The following MCM9 variants were observed in gnomAD, a reference collection of about 807,000 sequenced individuals.
The protein encoded by MCM9 is DNA helicase MCM9.
In MCM9, 55 loss-of-function variants were observed where a neutral mutation model predicts 72.8. That is an observed-to-expected ratio of 0.76 (90% CI 0.61 to 0.95). MCM9 has a LOEUF of 0.95. Among genes scored for constraint, MCM9 ranks in the 40% least tolerant of loss-of-function variants. MCM9 has a pLI of 0.00. For synonymous variants in MCM9, 480 were observed against 503.4 expected, an observed-to-expected ratio of 0.95 and a Z score of 0.62; for missense variants, 1,279 against 1,377.0, an observed-to-expected ratio of 0.93 and a Z score of 1.13.
At chr6:118,918,072 A>T in intron 5 of MCM9, 1 of 335,032 alleles carries the variant, frequency 3.0e-6, no homozygotes, top group South Asian at 4.0e-5. Flanking sequence ...TTCATTCATC[A>T]CAGTTACATT....
chr6:118,821,220 A>C (rs561762601), intron 13 of MCM9, among the ~76,000 whole-genome samples: 1 of 152,302 alleles, frequency 6.6e-6, no homozygotes, highest in South Asian at 2.1e-4. Flanking sequence ...TCATAGCATC[A>C]ACGGTCTTTA....
rs544650478 is a variant in MCM9, at chr6:118,846,836, A to G, written c.1325+9535T>C. 2.8e-4 allele frequency among the ~76,000 whole-genome samples: 43 copies of G among 151,926 alleles called. 1 individual carries two copies. The highest frequency in any genetic ancestry group is 1.0e-3 in the African/African-American group (42 of 41,198). On this transcript the variant is annotated intron_variant, in intron 9 of 13. Coordinates refer to ENST00000619706, the MANE Select transcript of MCM9 (RefSeq NM_017696.3). Reference sequence around the variant, plus strand: ...CTTAATAGAATACCTACTAATAATGATTCAGAAAAACATAAGACATTTTAA... The same window carrying G: ...CTTAATAGAATACCTACTAATAATGGTTCAGAAAAACATAAGACATTTTAA...
intron 8 of MCM9, among the ~76,000 whole-genome samples, chr6:118,863,769 CAG>C (rs567187794): frequency 2.5e-3 from 387 of 152,312 alleles, no homozygotes; most frequent in Non-Finnish European, 4.5e-3. Context: ...CAGAACTCTG[CAG>C]AGAGTCCTCA....
At chr6:118,910,653 C>T in intron 8 of MCM9, 1 of 985,332 alleles carries the variant, frequency 1.0e-6, no homozygotes, top group Non-Finnish European at 1.2e-6. Context: ...AACTCTAGAA[C>T]ACTGGGTCAT....
Position 118,845,737 on chromosome 6 carries a change from T to C in MCM9, c.1325+10634A>G, listed in dbSNP as rs1016839425. On this transcript the variant is annotated intron_variant, in intron 9 of 13. Coordinates refer to ENST00000619706, the MANE Select transcript of MCM9 (RefSeq NM_017696.3). ...CTCATGATCTGCAGCCTGTCATAGG[T>C]GGCAAAGGTTAACCCTAAAGGTTAT... Among the ~76,000 whole-genome samples the C allele has an allele frequency of 2.0e-5, 3 of 151,774 alleles. 1 individual carries two copies. The highest frequency in any genetic ancestry group is 7.3e-5 in the African/African-American group (3 of 41,064).
intron 8 of MCM9, among the ~76,000 whole-genome samples, chr6:118,898,890 G>A (rs1189699450): frequency 1.3e-5 from 2 of 152,098 alleles, no homozygotes; most frequent in African/African-American, 4.8e-5. Flanking sequence ...TCACTCCCTA[G>A]AGCAAGCCCA....
At chr6:118,915,645 T>C (rs1002532349) in intron 6 of MCM9, among the ~76,000 whole-genome samples, 1 of 152,182 alleles carries the variant, frequency 6.6e-6, no homozygotes, top group Non-Finnish European at 1.5e-5. Context: ...GATGTTCTGT[T>C]GGATACAGCT....
chr6:118,864,782 C>A (rs1777116136), intron 8 of MCM9, among the ~76,000 whole-genome samples: 1 of 152,162 alleles, frequency 6.6e-6, no homozygotes, highest in Non-Finnish European at 1.5e-5. Flanking sequence ...CCAAGACTCT[C>A]TAGACCACAA....
Position 118,876,482 on chromosome 6 carries a change from A to G in MCM9, c.1151-19937T>C, listed in dbSNP as rs897405000. Among the ~76,000 whole-genome samples the G allele has an allele frequency of 2.0e-5, 3 of 152,324 alleles. No homozygotes were observed. The East Asian group carries it at 5.8e-4, about 29-fold the overall frequency. ...AGAGAAGGTTGTATGCATGGCAGGG[A>G]GGGAGAATATAGGAACTATAGTTTC... On this transcript the variant is annotated intron_variant, in intron 8 of 13. Transcript: ENST00000619706.
At chr6:118,841,692 C>G (rs1775377763) in intron 9 of MCM9, among the ~76,000 whole-genome samples, 1 of 152,174 alleles carries the variant, frequency 6.6e-6, no homozygotes, top group Admixed American at 6.5e-5. Context: ...CGTTTACTTG[C>G]CTGTCTTGTT....
intron 6 of MCM9, among the ~76,000 whole-genome samples, chr6:118,914,689 G>A (rs1342532891): frequency 6.6e-6 from 1 of 152,094 alleles, no homozygotes; most frequent in Non-Finnish European, 1.5e-5. Context: ...ACATGTGGAA[G>A]GAAAGAAGAA....
chr6:118,847,314 G>A (rs984575928), intron 9 of MCM9, among the ~76,000 whole-genome samples: 7 of 151,390 alleles, frequency 4.6e-5, no homozygotes, highest in African/African-American at 1.7e-4. Context: ...ACATGGACAA[G>A]GGTTGAAAAA....
intron 8 of MCM9, among the ~76,000 whole-genome samples, chr6:118,883,410 G>T: frequency 6.7e-6 from 1 of 150,024 alleles, no homozygotes; most frequent in East Asian, 2.0e-4. Context: ...AAAAGGAGTA[G>T]AAAAAAAGTT....
At chr6:118,878,279 T>TA (rs1027132218) in intron 8 of MCM9, among the ~76,000 whole-genome samples, 10 of 151,678 alleles carry the variant, frequency 6.6e-5, no homozygotes, top group Non-Finnish European at 1.0e-4. Context: ...AATGTAAAGT[T>TA]AAAAAAAAGC....
intron 8 of MCM9, among the ~76,000 whole-genome samples, chr6:118,880,729 T>C (rs899836111): frequency 4.6e-5 from 7 of 152,204 alleles, no homozygotes; most frequent in African/African-American, 1.7e-4. Flanking sequence ...GGGTTTTTAG[T>C]ACTGGAATAG....
At chr6:118,854,708 G>T (rs1776448278) in intron 9 of MCM9, among the ~76,000 whole-genome samples, 1 of 152,176 alleles carries the variant, frequency 6.6e-6, no homozygotes, top group Non-Finnish European at 1.5e-5. Context: ...CTAGTTTGCT[G>T]AGAACTTTTA....
intron 13 of MCM9, among the ~76,000 whole-genome samples, chr6:118,820,604 T>C (rs1258169446): frequency 1.3e-5 from 2 of 152,210 alleles, no homozygotes; most frequent in Non-Finnish European, 2.9e-5. Flanking sequence ...TTCTGTTCAT[T>C]TGGGGTAGAG....
intron 8 of MCM9, among the ~76,000 whole-genome samples, chr6:118,868,735 A>G (rs1777385649): frequency 1.3e-5 from 2 of 152,246 alleles, no homozygotes; most frequent in Non-Finnish European, 2.9e-5. Flanking sequence ...CACGCCAGCT[A>G]GAATGGCAAT....
chr6:118,932,710 G>T lies in MCM9; in HGVS notation c.-119C>A. The stretch of plus-strand genomic sequence containing the variant: ...TGTTTCCTTCTTTCTCTTTCTTACC[G>T]TAGGAAATCTACTGGGTTCTGCAGA... On this transcript the variant is annotated 5_prime_UTR_variant, in exon 2 of 14. Coordinates refer to ENST00000619706, the MANE Select transcript of MCM9 (RefSeq NM_017696.3). 1 of 673,932 alleles carries T rather than the reference G, an allele frequency of 1.5e-6. No homozygotes were observed. The highest frequency in any genetic ancestry group is 1.8e-6 in the Non-Finnish European group (1 of 545,488). 41.7% of individuals were successfully genotyped at this position (673,932 alleles called of 1,614,324 possible). A position where few individuals can be genotyped will look rare whatever the true frequency, so the allele number is the denominator to read the frequency against.
Sources: allele counts gnomAD v4.1 joint callset (sites outside exome capture counted in the v4.1 genomes callset), GRCh38; gene constraint gnomAD v4.1.1; transcripts MANE v1.5; gene names NCBI Gene and HGNC (gene_info 2026-07-23, HGNC 2026-07-21).